Variants in CTNNA2 observed in about 807,000 individuals in gnomAD.
CTNNA2 encodes catenin alpha 2, also known as catenin alpha-2.
A neutral mutation model predicts 101.0 loss-of-function variants in CTNNA2; 42 were observed. The observed-to-expected ratio is 0.42, with a 90% CI of 0.32 to 0.54. The LOEUF is 0.54. Ranked by LOEUF, CTNNA2 falls within the 20% of genes least tolerant of loss-of-function variation. CTNNA2 has a pLI of 0.14. For missense variants in CTNNA2, 871 were observed against 1,223.1 expected (o/e 0.71, Z 4.29); for synonymous variants, 450 against 456.4 (o/e 0.99, Z 0.18).
intron 2 of CTNNA2, among the ~76,000 whole-genome samples, chr2:79,701,997 C>CA (rs58716617): frequency 0.026 from 1,977 of 75,222 alleles, 71 homozygotes; most frequent in Non-Finnish European, 0.032. Flanking sequence ...GACTCTGTCT[C>CA]AAAAAAAAAA....
In CTNNA2 at chr2:79,761,206, C is replaced by T. The variant is rs988470824; in HGVS notation, c.298+16624C>T. On this transcript the variant is annotated intron_variant, in intron 3 of 18. Coordinates refer to ENST00000402739, the MANE Select transcript of CTNNA2 (RefSeq NM_001282597.3). ...GGTAAATAGATAATTTTTCCATTTT[C>T]GGCCACGTCTATGTTTTAGGTTCAC... Among the ~76,000 whole-genome samples, 10 of 152,002 alleles carry T rather than the reference C, an allele frequency of 6.6e-5. No homozygotes were observed. In the East Asian group the frequency reaches 7.7e-4, roughly 12 times the overall value.
At chr2:80,428,563 A>C (rs141465782) in intron 9 of CTNNA2, among the ~76,000 whole-genome samples, 1 of 152,286 alleles carries the variant, frequency 6.6e-6, no homozygotes, top group Non-Finnish European at 1.5e-5. Flanking sequence ...GCAGTGACAT[A>C]ATCAGTTGAA....
intron 7 of CTNNA2, among the ~76,000 whole-genome samples, chr2:80,012,745 C>A (rs1037243113): frequency 6.6e-6 from 1 of 152,182 alleles, no homozygotes; most frequent in Non-Finnish European, 1.5e-5. Context: ...TCACAAAGTT[C>A]TCTTAAACTC....
At chr2:79,904,536 T>C (rs1274659404) in intron 6 of CTNNA2, among the ~76,000 whole-genome samples, 4 of 152,244 alleles carry the variant, frequency 2.6e-5, no homozygotes, top group African/African-American at 9.6e-5. Flanking sequence ...GACAATCTTA[T>C]ACAGTTGAAG....
intron 1 of CTNNA2, among the ~76,000 whole-genome samples, chr2:79,554,961 C>G (rs1674352627): frequency 6.6e-6 from 1 of 152,064 alleles, no homozygotes; most frequent in South Asian, 2.1e-4. Flanking sequence ...CATTTAGCAG[C>G]CATTTAATTG....
chr2:79,555,717 A>G (rs541549210), intron 1 of CTNNA2, among the ~76,000 whole-genome samples: 1 of 152,212 alleles, frequency 6.6e-6, no homozygotes, highest in East Asian at 1.9e-4. Context: ...ACCAAGGTCA[A>G]TGATATAATA....
chr2:80,093,508 G>A (rs1207962283), intron 7 of CTNNA2, among the ~76,000 whole-genome samples: 6 of 152,090 alleles, frequency 3.9e-5, no homozygotes, highest in Non-Finnish European at 8.8e-5. Context: ...ATAATCCTTT[G>A]GGTATATATC....
At position 79,539,932 on chromosome 2, in the gene CTNNA2, T is replaced by C. The variant is rs183789004; in HGVS notation, c.-6+26725T>C. 2.0e-5 allele frequency among the ~76,000 whole-genome samples: 3 copies of C among 152,300 alleles called. No individual in the cohort carries two copies. The East Asian group carries it at 5.8e-4, about 29-fold the overall frequency. Reference sequence around the variant, plus strand: ...GTGACTGCCCCACCCAGGTCTTGTTTCTTGTCACGTGCATTAAGAAAACCT... The same window carrying C: ...GTGACTGCCCCACCCAGGTCTTGTTCCTTGTCACGTGCATTAAGAAAACCT... On this transcript the variant is annotated intron_variant, in intron 1 of 18. Coordinates refer to ENST00000402739, the MANE Select transcript of CTNNA2 (RefSeq NM_001282597.3).
chr2:79,632,744 A>G (rs977185391), intron 1 of CTNNA2, among the ~76,000 whole-genome samples: 2 of 152,224 alleles, frequency 1.3e-5, no homozygotes, highest in Non-Finnish European at 2.9e-5. Context: ...TGATTGGGGC[A>G]TCCAAAATGG....
intron 7 of CTNNA2, among the ~76,000 whole-genome samples, chr2:80,123,903 G>A (rs1701981764): frequency 6.6e-6 from 1 of 152,088 alleles, no homozygotes; most frequent in Non-Finnish European, 1.5e-5. Context: ...GGGAAAACAG[G>A]GTACAGATTC....
intron 13 of CTNNA2, chr2:80,579,514 A>G (rs1247798147): frequency 6.6e-6 from 1 of 152,204 alleles, no homozygotes; most frequent in Non-Finnish European, 1.5e-5. Flanking sequence ...ATCAGAGAAT[A>G]TTGTCTCTGT....
At chr2:79,290,281 A>G (rs1203070049) in intron 2 of CTNNA2, among the ~76,000 whole-genome samples, 1 of 152,164 alleles carries the variant, frequency 6.6e-6, no homozygotes, top group Non-Finnish European at 1.5e-5. Flanking sequence ...AGCATTGGTT[A>G]CTGATCAAAT....
chr2:80,249,017 A>G (rs465119), intron 7 of CTNNA2, among the ~76,000 whole-genome samples: 78,591 of 151,800 alleles, frequency 0.52, 21,744 homozygotes, highest in Non-Finnish European at 0.63. Context: ...TTACTTTTCT[A>G]ATCAGGGTTT....
chr2:80,019,928 C>T (rs937089892), intron 7 of CTNNA2, among the ~76,000 whole-genome samples: 1 of 152,098 alleles, frequency 6.6e-6, no homozygotes, highest in Non-Finnish European at 1.5e-5. Context: ...TAGTTCCCTA[C>T]GTTTTTATCC....
At chr2:80,262,202 T>C (rs1672661070) in intron 7 of CTNNA2, among the ~76,000 whole-genome samples, 1 of 152,158 alleles carries the variant, frequency 6.6e-6, no homozygotes, top group East Asian at 1.9e-4. Context: ...ATCTGGAGAT[T>C]CTACATCTAT....
intron 13 of CTNNA2, among the ~76,000 whole-genome samples, chr2:80,581,098 T>C (rs192663526): frequency 1.3e-5 from 2 of 152,288 alleles, no homozygotes; most frequent in African/African-American, 4.8e-5. Context: ...GATAATACAT[T>C]GCCTAATCTT....
chr2:79,187,022 C>A (rs542408051), intron 1 of CTNNA2, among the ~76,000 whole-genome samples: 2 of 152,224 alleles, frequency 1.3e-5, no homozygotes, highest in African/African-American at 4.8e-5. Flanking sequence ...AAGAATAAAA[C>A]ATCCCTACCT....
At chr2:80,390,092 T>C (rs1317335480) in intron 7 of CTNNA2, among the ~76,000 whole-genome samples, 1 of 152,200 alleles carries the variant, frequency 6.6e-6, no homozygotes, top group Non-Finnish European at 1.5e-5. Context: ...TTTCACTCAC[T>C]GCCTTCCCAG....
intron 7 of CTNNA2, among the ~76,000 whole-genome samples, chr2:80,346,851 G>C (rs1377088913): frequency 6.6e-6 from 1 of 152,168 alleles, no homozygotes; most frequent in African/African-American, 2.4e-5. Flanking sequence ...CTCCTAGGTA[G>C]GTACCCCCAT....
Sources: allele counts gnomAD v4.1 joint callset (sites outside exome capture counted in the v4.1 genomes callset), GRCh38; gene constraint gnomAD v4.1.1; transcripts MANE v1.5; gene names NCBI Gene and HGNC (gene_info 2026-07-23, HGNC 2026-07-21).